Variants in GPD2 observed in about 807,000 individuals in gnomAD.
The protein encoded by GPD2 is glycerol-3-phosphate dehydrogenase, mitochondrial.
Under a neutral mutation model 82.4 loss-of-function variants are expected in GPD2, and 54 were observed. The observed-to-expected ratio is 0.66, with a 90% confidence interval of 0.53 to 0.82. The LOEUF (loss-of-function observed/expected upper bound fraction) is 0.82. Ranked by LOEUF, GPD2 falls within the 40% of genes least tolerant of loss-of-function variation. The pLI is 0.00. For missense variants in GPD2, 748 were observed against 896.2 expected, an observed-to-expected ratio of 0.83 and a Z score of 2.11; for synonymous variants, 288 against 306.1, an observed-to-expected ratio of 0.94 and a Z score of 0.62.
intron 3 of GPD2, among the ~76,000 whole-genome samples, chr2:156,505,301 T>C (rs1213290095): frequency 6.6e-6 from 1 of 152,170 alleles, no homozygotes; most frequent in Non-Finnish European, 1.5e-5. Flanking sequence ...CAAGTTGACT[T>C]TATTCTTCTA....
rs550730771 is a variant in GPD2, at chr2:156,480,423, G to A, written c.102+4216G>A. On this transcript the variant is annotated intron_variant, in intron 2 of 16. Transcript: ENST00000438166. Reference sequence around the variant, plus strand: ...TTTTTTCTTTTCATTATAGCCCAACGGCACTGTTTAACACTTTTTTTTTTA... The same window carrying A: ...TTTTTTCTTTTCATTATAGCCCAACAGCACTGTTTAACACTTTTTTTTTTA... Among the ~76,000 whole-genome samples, 7 of 135,744 alleles carry A rather than the reference G, an allele frequency of 5.2e-5. No homozygotes were observed. In the East Asian group the frequency reaches 8.6e-4, roughly 17 times the overall value. 89.1% of individuals were successfully genotyped at this position (135,744 alleles called of 152,430 possible).
intron 1 of GPD2, among the ~76,000 whole-genome samples, chr2:156,458,134 G>A (rs1305354119): frequency 6.6e-6 from 1 of 152,170 alleles, no homozygotes; most frequent in Admixed American, 6.5e-5. Context: ...AGGAGTAGCT[G>A]TGTTCCTGCA....
At chr2:156,476,329 T>G in intron 2 of GPD2, 122 bp downstream of exon 2, 1 of 711,500 alleles carries the variant, frequency 1.4e-6, no homozygotes, top group Non-Finnish European at 2.6e-6. Flanking sequence ...CTCAGTTTGA[T>G]CTGAAAGATA....
At chr2:156,412,969 TGTCTGTA>T in the GPD2 span, among the ~76,000 whole-genome samples, 1 of 151,920 alleles carries the variant, frequency 6.6e-6, no homozygotes, top group Non-Finnish European at 1.5e-5. Flanking sequence ...TGATGGTGTG[TGTCTGTA>T]GTCCCAGCTA....
intron 6 of GPD2, among the ~76,000 whole-genome samples, chr2:156,525,091 T>C (rs909146502): frequency 2.0e-5 from 3 of 152,258 alleles, no homozygotes; most frequent in African/African-American, 7.2e-5. Context: ...ATTCTTTTCA[T>C]TTATTTGTAC....
chr2:156,453,385 A>G (rs1453058140), intron 1 of GPD2, among the ~76,000 whole-genome samples: 2 of 152,216 alleles, frequency 1.3e-5, no homozygotes, highest in African/African-American at 4.8e-5. Flanking sequence ...GATAATGCCA[A>G]GATGGTGGAA....
At chr2:156,494,117 C>G (rs1684284806) in intron 2 of GPD2, among the ~76,000 whole-genome samples, 1 of 151,950 alleles carries the variant, frequency 6.6e-6, no homozygotes, top group Non-Finnish European at 1.5e-5. Flanking sequence ...TTAAAAGAAG[C>G]TATATGAAAA....
At chr2:156,452,107 C>T (rs1287940960) in intron 1 of GPD2, among the ~76,000 whole-genome samples, 3 of 150,186 alleles carry the variant, frequency 2.0e-5, no homozygotes, top group South Asian at 2.1e-4. Context: ...ACGTCCCAGA[C>T]GATGGGTGGC....
chr2:156,402,079 G>A, the GPD2 span, among the ~76,000 whole-genome samples: 1 of 152,178 alleles, frequency 6.6e-6, no homozygotes, highest in African/African-American at 2.4e-5. Context: ...CACTACACAT[G>A]GACTTCAACC....
intron 3 of GPD2, among the ~76,000 whole-genome samples, chr2:156,504,774 A>G (rs1684723569): frequency 6.6e-6 from 1 of 152,052 alleles, no homozygotes; most frequent in Admixed American, 6.6e-5. Flanking sequence ...ATTTATTGAC[A>G]TGGGTAAGTG....
At chr2:156,447,053 A>G (rs1455468150) in intron 1 of GPD2, among the ~76,000 whole-genome samples, 1 of 151,870 alleles carries the variant, frequency 6.6e-6, no homozygotes, top group East Asian at 1.9e-4. Flanking sequence ...ACATTTTTCT[A>G]TGCTTACCTG....
chr2:156,545,400 C>T (rs987360859), intron 6 of GPD2, among the ~76,000 whole-genome samples: 2 of 152,130 alleles, frequency 1.3e-5, no homozygotes, highest in African/African-American at 4.8e-5. Flanking sequence ...TTGTTTCTTA[C>T]CAGCATCATT....
At chr2:156,548,279 C>T (rs1321559223) in intron 6 of GPD2, among the ~76,000 whole-genome samples, 1 of 152,198 alleles carries the variant, frequency 6.6e-6, no homozygotes. Flanking sequence ...TAGGATCATG[C>T]TGAGTTGAAA....
In GPD2 at chr2:156,509,800, GT is replaced by G. The variant is rs1276712287; in HGVS notation, c.275-995del. Reference sequence around the variant, plus strand: ...TTTTTTTTTTATTTCCTGAGATGGAGTCTCACCCTGTCACCCAGGCTGGAGT... The same window carrying G: ...TTTTTTTTTTATTTCCTGAGATGGAGCTCACCCTGTCACCCAGGCTGGAGT... On this transcript the variant is annotated intron_variant, in intron 3 of 16. Transcript: ENST00000438166. Among the ~76,000 whole-genome samples the G allele has an allele frequency of 3.1e-5, 4 of 129,886 alleles. No individual in the cohort carries two copies. The Admixed American group carries it at 3.6e-4, about 12-fold the overall frequency. 85.2% of individuals were successfully genotyped at this position (129,886 alleles called of 152,430 possible). A position where few individuals can be genotyped will look rare whatever the true frequency, so the allele number is the denominator to read the frequency against.
chr2:156,557,344 ACTT>A, intron 8 of GPD2, 42 bp from the exon 9 acceptor site: 1 of 1,195,842 alleles, frequency 8.4e-7, no homozygotes, highest in South Asian at 1.2e-5. Context: ...TTAATGTTAA[ACTT>A]CTGGGATTTT....
chr2:156,483,987 C>CTTTTTTTTTTTTTTTTTTTTTTT, intron 2 of GPD2, among the ~76,000 whole-genome samples: 2 of 92,294 alleles, frequency 2.2e-5, no homozygotes, highest in Non-Finnish European at 4.4e-5. Flanking sequence ...TGCTTGCTTG[C>CTTTTTTTTTTTTTTTTTTTTTTT]TTTTTTTTTT....
At chr2:156,450,197 G>C (rs1682505281) in intron 1 of GPD2, among the ~76,000 whole-genome samples, 1 of 152,214 alleles carries the variant, frequency 6.6e-6, no homozygotes, top group Non-Finnish European at 1.5e-5. Context: ...AGGCAGACTT[G>C]ATGGAAGATA....
chr2:156,453,896 A>G (rs1267353769), intron 1 of GPD2, among the ~76,000 whole-genome samples: 1 of 152,128 alleles, frequency 6.6e-6, no homozygotes, highest in African/African-American at 2.4e-5. Context: ...AAACAAAACA[A>G]AAAAGAAAAC....
At chr2:156,550,546 C>G in intron 7 of GPD2, 56 bp from the exon 8 acceptor site, 1 of 1,555,338 alleles carries the variant, frequency 6.4e-7, no homozygotes, top group Admixed American at 1.7e-5. Flanking sequence ...TAATACACAG[C>G]ATCCGTTAAC....
Sources: allele counts gnomAD v4.1 joint callset (sites outside exome capture counted in the v4.1 genomes callset), GRCh38; gene constraint gnomAD v4.1.1; transcripts MANE v1.5; gene names NCBI Gene and HGNC (gene_info 2026-07-23, HGNC 2026-07-21).